UBE2E2: variants seen among roughly 807,000 people sequenced by gnomAD.
UBE2E2 encodes the protein ubiquitin conjugating enzyme E2 E2, also known as ubiquitin-conjugating enzyme E2 E2.
A neutral mutation model predicts 24.7 loss-of-function variants in UBE2E2; 6 were observed. The observed-to-expected ratio is 0.24, with a 90% CI of 0.13 to 0.48. The LOEUF is 0.48. Ranked by LOEUF, UBE2E2 falls within the 20% of genes least tolerant of loss-of-function variation. The pLI is 0.99. For missense variants in UBE2E2, 169 were observed against 245.0 expected, an observed-to-expected ratio of 0.69 and a Z score of 2.07; for synonymous variants, 104 against 83.6, an observed-to-expected ratio of 1.24 and a Z score of -1.33.
intron 5 of UBE2E2, among the ~76,000 whole-genome samples, chr3:23,533,503 A>T (rs1695172913): frequency 6.6e-6 from 1 of 152,180 alleles, no homozygotes; most frequent in Non-Finnish European, 1.5e-5. Context: ...GACGAGTATC[A>T]GTGGGGTTGC....
intron 3 of UBE2E2, among the ~76,000 whole-genome samples, chr3:23,354,780 G>A (rs1359062245): frequency 6.6e-6 from 1 of 152,192 alleles, no homozygotes; most frequent in Non-Finnish European, 1.5e-5. Context: ...CACTGTTGGT[G>A]GGAATGTAAA....
At chr3:23,275,778 A>G (rs1466715340) in intron 3 of UBE2E2, among the ~76,000 whole-genome samples, 1 of 152,144 alleles carries the variant, frequency 6.6e-6, no homozygotes, top group Non-Finnish European at 1.5e-5. Flanking sequence ...AATGATTAGA[A>G]ACTTAGAAGT....
At chr3:23,409,435 T>C (rs1301581926) in intron 3 of UBE2E2, among the ~76,000 whole-genome samples, 1 of 152,186 alleles carries the variant, frequency 6.6e-6, no homozygotes, top group Non-Finnish European at 1.5e-5. Flanking sequence ...TGTAACCTCA[T>C]GACTACTGCC....
intron 3 of UBE2E2, among the ~76,000 whole-genome samples, chr3:23,247,384 C>G (rs1022721545): frequency 6.9e-6 from 1 of 144,622 alleles, no homozygotes; most frequent in Non-Finnish European, 1.5e-5. Context: ...GAGACGGAGT[C>G]TCGCTCTGTC....
At chr3:23,525,099 G>A (rs1348595368) in intron 4 of UBE2E2, among the ~76,000 whole-genome samples, 2 of 152,060 alleles carry the variant, frequency 1.3e-5, no homozygotes, top group African/African-American at 4.8e-5. Flanking sequence ...TACATTCCTT[G>A]GCTCATGGCT....
At chr3:23,453,215 A>T (rs189974044) in intron 3 of UBE2E2, among the ~76,000 whole-genome samples, 1 of 152,202 alleles carries the variant, frequency 6.6e-6, no homozygotes, top group African/African-American at 2.4e-5. Context: ...TAAATATGTC[A>T]GTTAAATCAA....
At position 23,307,957 on chromosome 3, in the gene UBE2E2, G is replaced by A. The variant is rs182299716; in HGVS notation, c.227+90645G>A. 1.1e-4 allele frequency among the ~76,000 whole-genome samples: 17 copies of A among 152,222 alleles called. No homozygotes were observed. In the East Asian group the frequency reaches 3.1e-3, roughly 28 times the overall value. On this transcript the variant is annotated intron_variant, in intron 3 of 5. Transcript: ENST00000396703. ...TCTTGAATATGCTTAAATTTTGCAC[G>A]CTTGTACATTTCTCCCAACTTACCA...
intron 3 of UBE2E2, among the ~76,000 whole-genome samples, chr3:23,239,983 A>G (rs1048189715): frequency 6.6e-6 from 1 of 152,172 alleles, no homozygotes; most frequent in Non-Finnish European, 1.5e-5. Context: ...TGAGGCATGT[A>G]GGGCTCTGCC....
intron 3 of UBE2E2, among the ~76,000 whole-genome samples, chr3:23,248,818 T>G (rs1008303178): frequency 1.8e-4 from 28 of 152,228 alleles, no homozygotes; most frequent in African/African-American, 6.8e-4. Context: ...AGTCAGCTAC[T>G]TCATCTGTTA....
intron 5 of UBE2E2, among the ~76,000 whole-genome samples, chr3:23,538,773 A>G (rs1695322175): frequency 6.6e-6 from 1 of 152,180 alleles, no homozygotes; most frequent in Non-Finnish European, 1.5e-5. Context: ...TTTGGTTTAA[A>G]AAAACAAAAA....
intron 3 of UBE2E2, among the ~76,000 whole-genome samples, chr3:23,495,206 A>T (rs901180301): frequency 6.6e-6 from 1 of 152,240 alleles, no homozygotes; most frequent in Non-Finnish European, 1.5e-5. Flanking sequence ...TAATAACTAC[A>T]TAGACAGCTG....
At chr3:23,288,295 G>GT (rs146656303) in intron 3 of UBE2E2, among the ~76,000 whole-genome samples, 1 of 152,240 alleles carries the variant, frequency 6.6e-6, no homozygotes, top group Non-Finnish European at 1.5e-5. Flanking sequence ...CATTATTTCA[G>GT]TTTTTTAAAA....
At chr3:23,465,525 A>G (rs1449283509) in intron 3 of UBE2E2, among the ~76,000 whole-genome samples, 4 of 152,240 alleles carry the variant, frequency 2.6e-5, no homozygotes, top group South Asian at 2.1e-4. Context: ...CTTGAATGCA[A>G]GTGAATGACT....
chr3:23,258,900 G>GAAAAAAAAAAAAAAAAAAAAAAAAA, intron 3 of UBE2E2, among the ~76,000 whole-genome samples: 1 of 78,904 alleles, frequency 1.3e-5, no homozygotes, highest in Non-Finnish European at 2.4e-5. Flanking sequence ...CTCAAAAAAA[G>GAAAAAAAAAAAAAAAAAAAAAAAAA]AAAAAAAAAA....
chr3:23,584,739 T>TC (rs1310678652), intron 5 of UBE2E2, among the ~76,000 whole-genome samples: 2 of 147,126 alleles, frequency 1.4e-5, no homozygotes, highest in African/African-American at 2.5e-5. Context: ...TTTTTTTTTT[T>TC]TTTTTTTTTT....
At chr3:23,356,191 C>T (rs972558085) in intron 3 of UBE2E2, among the ~76,000 whole-genome samples, 1 of 152,150 alleles carries the variant, frequency 6.6e-6, no homozygotes, top group Admixed American at 6.5e-5. Context: ...AGCGGCAAAT[C>T]AGAACCCAGG....
At chr3:23,465,535 T>G (rs1421765354) in intron 3 of UBE2E2, among the ~76,000 whole-genome samples, 1 of 152,016 alleles carries the variant, frequency 6.6e-6, no homozygotes, top group Non-Finnish European at 1.5e-5. Flanking sequence ...AGTGAATGAC[T>G]GGCCTCTCAG....
intron 3 of UBE2E2, among the ~76,000 whole-genome samples, chr3:23,400,230 A>G (rs947750904): frequency 1.3e-5 from 2 of 152,244 alleles, no homozygotes; most frequent in African/African-American, 4.8e-5. Context: ...CCTGTTATAG[A>G]AAACATAAAC....
intron 3 of UBE2E2, among the ~76,000 whole-genome samples, chr3:23,233,523 G>C (rs1040668572): frequency 6.6e-6 from 1 of 152,032 alleles, no homozygotes; most frequent in Non-Finnish European, 1.5e-5. Context: ...TAGACACTTT[G>C]TTTTTTGGAT....
Sources: allele counts gnomAD v4.1 joint callset (sites outside exome capture counted in the v4.1 genomes callset), GRCh38; gene constraint gnomAD v4.1.1; transcripts MANE v1.5; gene names NCBI Gene and HGNC (gene_info 2026-07-23, HGNC 2026-07-21).